Variants in PRKG1 observed in about 807,000 individuals in gnomAD.
PRKG1 encodes the protein cGMP-dependent protein kinase 1.
In PRKG1, 35 loss-of-function variants were observed where a neutral mutation model predicts 88.1. That is an observed-to-expected ratio of 0.40 (90% CI 0.30 to 0.53). The LOEUF is 0.53. PRKG1 is among the 20% of genes least tolerant of loss of function. The pLI, the probability that PRKG1 is intolerant of heterozygous loss-of-function variation, is 0.59. For synonymous variants in PRKG1, 303 were observed against 292.5 expected, an observed-to-expected ratio of 1.04 and a Z score of -0.37; for missense variants, 540 against 839.8, an observed-to-expected ratio of 0.64 and a Z score of 4.41.
intron 5 of PRKG1, among the ~76,000 whole-genome samples, chr10:51,989,008 A>G (rs1040267781): frequency 6.6e-6 from 1 of 152,108 alleles, no homozygotes; most frequent in Non-Finnish European, 1.5e-5. Flanking sequence ...CTTATCTTTT[A>G]AAACTTTTCA....
intron 2 of PRKG1, among the ~76,000 whole-genome samples, chr10:51,348,447 C>T (rs1842164234): frequency 6.6e-6 from 1 of 152,134 alleles, no homozygotes; most frequent in African/African-American, 2.4e-5. Context: ...TGCTAGTAAC[C>T]ACAACCTCCA....
At position 50,991,287 on chromosome 10, in the gene PRKG1, T is replaced by C; in HGVS notation, c.-92T>C. ...CGCCCATTCACTCGCTCACCCGCGC[T>C]CTCCGCTGCCGGCTGCCGTCCCAGC... is the stretch of plus-strand genomic sequence containing the variant. On this transcript the variant is annotated 5_prime_UTR_variant, in exon 1 of 18. Transcript: ENST00000401604. The surrounding 1 kb of genome is among the most constrained non-coding windows in gnomAD (Gnocchi z 4.5). The C allele has an allele frequency of 6.9e-7, 1 of 1,448,504 alleles. No individual in the cohort carries two copies. The highest frequency in any genetic ancestry group is 2.8e-5 in the East Asian group (1 of 35,204). 89.7% of individuals were successfully genotyped at this position (1,448,504 alleles called of 1,614,324 possible).
chr10:52,026,376 T>C (rs953306548), intron 5 of PRKG1, among the ~76,000 whole-genome samples: 3 of 152,200 alleles, frequency 2.0e-5, no homozygotes, highest in African/African-American at 4.8e-5. Flanking sequence ...TCTACCTGAC[T>C]TAAAAAGAAG....
intron 3 of PRKG1, among the ~76,000 whole-genome samples, chr10:51,641,782 T>A (rs1026370921): frequency 1.4e-4 from 22 of 152,092 alleles, no homozygotes; most frequent in Non-Finnish European, 2.8e-4. Context: ...CAAATTATAT[T>A]TTTCCCCTCA....
At chr10:51,570,067 A>ATATATATATATATATATATATATATATG (rs1491310201) in intron 3 of PRKG1, among the ~76,000 whole-genome samples, 1,267 of 111,962 alleles carry the variant, frequency 0.011, 30 homozygotes, top group African/African-American at 0.027. Flanking sequence ...ATATATATAT[A>ATATATATATATATATATATATATATATG]TGTGTGTGTG....
intron 2 of PRKG1, among the ~76,000 whole-genome samples, chr10:51,275,548 G>C (rs1840093211): frequency 6.6e-6 from 1 of 152,134 alleles, no homozygotes; most frequent in Non-Finnish European, 1.5e-5. Context: ...TAAATGCATT[G>C]ACATGATACA....
chr10:51,044,279 G>A (rs4935214), intron 1 of PRKG1, among the ~76,000 whole-genome samples: 83,157 of 151,946 alleles, frequency 0.55, 23,110 homozygotes, highest in South Asian at 0.67. Context: ...ACTGGGTCTT[G>A]TGAAGGCCAT....
chr10:52,196,969 C>G (rs1283748760), intron 9 of PRKG1, among the ~76,000 whole-genome samples: 1 of 152,032 alleles, frequency 6.6e-6, no homozygotes, highest in Non-Finnish European at 1.5e-5. Flanking sequence ...TTAGACAATA[C>G]TTTAGGCAAT....
At chr10:51,066,566 T>C (rs1003398270) in intron 1 of PRKG1, among the ~76,000 whole-genome samples, 1 of 152,164 alleles carries the variant, frequency 6.6e-6, no homozygotes, top group Non-Finnish European at 1.5e-5. Context: ...TCTAACTGAC[T>C]TTTAAAGTAT....
intron 1 of PRKG1, among the ~76,000 whole-genome samples, chr10:51,067,720 A>T (rs1408928582): frequency 2.6e-5 from 4 of 152,056 alleles, no homozygotes; most frequent in Non-Finnish European, 4.4e-5. Flanking sequence ...CTCTAGACAG[A>T]CACTATTTTG....
chr10:51,026,618 A>G (rs1192837874), intron 1 of PRKG1, among the ~76,000 whole-genome samples: 1 of 152,116 alleles, frequency 6.6e-6, no homozygotes, highest in African/African-American at 2.4e-5. Flanking sequence ...CTGTGCTGAG[A>G]TGTGGCTTAA....
chr10:51,559,311 C>T (rs1218069738), intron 3 of PRKG1, among the ~76,000 whole-genome samples: 1 of 152,058 alleles, frequency 6.6e-6, no homozygotes, highest in African/African-American at 2.4e-5. Flanking sequence ...AACAAGCAGG[C>T]TCCATTGATT....
chr10:51,192,664 AT>A (rs1332619169), intron 2 of PRKG1, among the ~76,000 whole-genome samples: 1 of 151,992 alleles, frequency 6.6e-6, no homozygotes, highest in Non-Finnish European at 1.5e-5. Context: ...AGAGATTTTC[AT>A]CTTAAAAAGG....
In PRKG1 at chr10:51,864,615, C is replaced by T. The variant is rs1158725553; in HGVS notation, c.699-42892C>T. On this transcript the variant is annotated intron_variant, in intron 4 of 17. Coordinates refer to ENST00000373980, the MANE Select transcript of PRKG1 (RefSeq NM_006258.4). ...CATACTCATTTAAAATATGGCATTT[C>T]CCTAGAACTTGAAGTGAAACTAGAA... is the stretch of plus-strand genomic sequence containing the variant. 4.6e-5 allele frequency among the ~76,000 whole-genome samples: 7 copies of T among 152,206 alleles called. No homozygotes were observed. The East Asian group carries it at 1.4e-3, about 29-fold the overall frequency.
chr10:51,114,291 T>C (rs1845053958), intron 1 of PRKG1, among the ~76,000 whole-genome samples: 1 of 152,152 alleles, frequency 6.6e-6, no homozygotes, highest in South Asian at 2.1e-4. Context: ...TTATTTTCTG[T>C]GCAATAAAGA....
intron 2 of PRKG1, among the ~76,000 whole-genome samples, chr10:51,358,314 C>T (rs1241151506): frequency 1.3e-5 from 2 of 151,824 alleles, no homozygotes; most frequent in Non-Finnish European, 2.9e-5. Flanking sequence ...GACCTAGCCT[C>T]AAAACTCACA....
chr10:51,134,390 A>G (rs1393527417), intron 1 of PRKG1, among the ~76,000 whole-genome samples: 3 of 152,180 alleles, frequency 2.0e-5, no homozygotes, highest in African/African-American at 7.2e-5. Flanking sequence ...ATTGATTTTA[A>G]AATCAGATGA....
chr10:51,147,762 T>C (rs1904701), intron 1 of PRKG1, among the ~76,000 whole-genome samples: 99,003 of 152,076 alleles, frequency 0.65, 33,482 homozygotes, highest in African/African-American at 0.86. Flanking sequence ...GGTCTGAATT[T>C]GGCAAACAGT....
intron 8 of PRKG1, among the ~76,000 whole-genome samples, chr10:52,153,645 A>G (rs1289028930): frequency 1.3e-5 from 2 of 152,222 alleles, no homozygotes; most frequent in Middle Eastern, 3.2e-3. Context: ...TACACTCAGA[A>G]TAGAGAAACC....
Sources: allele counts gnomAD v4.1 joint callset (sites outside exome capture counted in the v4.1 genomes callset), GRCh38; gene constraint gnomAD v4.1.1; non-coding constraint Gnocchi (gnomAD v3.1); transcripts MANE v1.5; gene names NCBI Gene and HGNC (gene_info 2026-07-23, HGNC 2026-07-21).